PICALM: variants seen among roughly 807,000 people sequenced by gnomAD.
The protein encoded by PICALM is phosphatidylinositol-binding clathrin assembly protein.
A neutral mutation model predicts 80.5 loss-of-function variants in PICALM; 40 were observed. That is an observed-to-expected ratio of 0.50 (90% CI 0.39 to 0.65). The LOEUF is 0.65. Ranked by LOEUF, PICALM falls within the 30% of genes least tolerant of loss-of-function variation. PICALM has a pLI of 0.00. For missense variants in PICALM, 676 were observed against 778.9 expected, an observed-to-expected ratio of 0.87 and a Z score of 1.57; for synonymous variants, 288 against 260.3, an observed-to-expected ratio of 1.11 and a Z score of -1.02.
chr11:86,016,998 TG>T (rs2095490884), intron 4 of PICALM, among the ~76,000 whole-genome samples: 1 of 151,802 alleles, frequency 6.6e-6, no homozygotes, highest in South Asian at 2.1e-4. Flanking sequence ...GAGGGGCGAG[TG>T]GATCACGAGG....
intron 1 of PICALM, among the ~76,000 whole-genome samples, chr11:86,035,897 G>A (rs1375358394): frequency 6.3e-5 from 9 of 142,982 alleles, no homozygotes; most frequent in South Asian, 2.2e-4. Flanking sequence ...GCAGTGAGCC[G>A]AGATCATGCC....
At chr11:85,965,246 G>T (rs1420566816) in intron 19 of PICALM, among the ~76,000 whole-genome samples, 1 of 152,144 alleles carries the variant, frequency 6.6e-6, no homozygotes, top group Non-Finnish European at 1.5e-5. Context: ...GAAGGCCCTT[G>T]CCAAATCCCA....
chr11:85,978,701 CAT>C (rs1470477659), intron 17 of PICALM: 1 of 152,012 alleles, frequency 6.6e-6, no homozygotes, highest in East Asian at 1.9e-4. Flanking sequence ...TACACATTAC[CAT>C]ATATAACACA....
chr11:85,993,409 T>C (rs1592671162), intron 12 of PICALM, among the ~76,000 whole-genome samples: 1 of 152,038 alleles, frequency 6.6e-6, no homozygotes, highest in East Asian at 1.9e-4. Context: ...TATAGTTTTG[T>C]CCCTTTTTTT....
At chr11:86,069,236 C>A (rs914625107), upstream of PICALM, 1 of 180,642 alleles carries the variant, frequency 5.5e-6, no homozygotes, top group African/African-American at 2.4e-5. Context: ...GGGCGGCGCC[C>A]GCGCGTTACG....
At chr11:86,026,447 G>T (rs2095650723) in intron 2 of PICALM, 80 bp from the exon 3 acceptor site, 1 of 781,698 alleles carries the variant, frequency 1.3e-6, no homozygotes, top group African/African-American at 1.7e-5. Flanking sequence ...AAAAGTTATG[G>T]TTAACACATT....
chr11:86,035,209 T>C (rs895908430), intron 1 of PICALM, among the ~76,000 whole-genome samples: 1 of 152,046 alleles, frequency 6.6e-6, no homozygotes, highest in South Asian at 2.1e-4. Flanking sequence ...ATATTCCTAG[T>C]GTAGGCCTTT....
intron 19 of PICALM, among the ~76,000 whole-genome samples, chr11:85,961,847 C>T (rs1233455185): frequency 6.9e-6 from 1 of 144,620 alleles, no homozygotes; most frequent in Non-Finnish European, 1.5e-5. Flanking sequence ...GATTTCATTT[C>T]TTTCTACCTA....
chr11:86,046,867 G>A (rs539048737), intron 1 of PICALM, among the ~76,000 whole-genome samples: 1 of 152,240 alleles, frequency 6.6e-6, no homozygotes, highest in South Asian at 2.1e-4. Flanking sequence ...CAAACTCCTG[G>A]CCTTAAGTGA....
chr11:85,970,180 C>T (rs983352617), intron 19 of PICALM, among the ~76,000 whole-genome samples: 6 of 152,088 alleles, frequency 3.9e-5, no homozygotes, highest in African/African-American at 1.4e-4. Context: ...AAAGAAAGCC[C>T]TTGCTAGACT....
At chr11:86,053,076 C>T (rs2096215979) in intron 1 of PICALM, among the ~76,000 whole-genome samples, 2 of 152,152 alleles carry the variant, frequency 1.3e-5, no homozygotes. Context: ...CATTGTCTGG[C>T]AATACAGCTA....
chr11:86,063,307 T>A (rs1031862472), intron 1 of PICALM, among the ~76,000 whole-genome samples: 1 of 152,158 alleles, frequency 6.6e-6, no homozygotes, highest in African/African-American at 2.4e-5. Flanking sequence ...TCACCTGCCA[T>A]AGTAACTTTA....
intron 3 of PICALM, among the ~76,000 whole-genome samples, chr11:86,024,013 T>C (rs2136558146): frequency 6.6e-6 from 1 of 152,062 alleles, no homozygotes; most frequent in East Asian, 1.9e-4. Context: ...ACATCTGTAA[T>C]CCCAGCTGCT....
At chr11:86,058,662 T>C (rs1438189800) in intron 1 of PICALM, among the ~76,000 whole-genome samples, 2 of 152,240 alleles carry the variant, frequency 1.3e-5, no homozygotes, top group Non-Finnish European at 2.9e-5. Flanking sequence ...CCTTTGCCTA[T>C]TATCTCATAC....
intron 11 of PICALM, among the ~76,000 whole-genome samples, chr11:85,998,130 G>C (rs2095034749): frequency 1.3e-5 from 2 of 149,132 alleles, no homozygotes; most frequent in South Asian, 4.2e-4. Context: ...TTTTTTATTT[G>C]AGACAGAGTC....
At chr11:85,960,321 A>G (rs1015542043) in intron 19 of PICALM, among the ~76,000 whole-genome samples, 4 of 152,180 alleles carry the variant, frequency 2.6e-5, no homozygotes, top group Non-Finnish European at 5.9e-5. Flanking sequence ...AACAAATTAC[A>G]CTGTCTTCCA....
chr11:86,061,040 A>G (rs1304110782), intron 1 of PICALM, among the ~76,000 whole-genome samples: 2 of 152,230 alleles, frequency 1.3e-5, no homozygotes, highest in Non-Finnish European at 2.9e-5. Flanking sequence ...CAAAAGATAC[A>G]TTTGATAGCC....
intron 1 of PICALM, among the ~76,000 whole-genome samples, chr11:86,065,334 TA>T (rs2096431741): frequency 6.6e-6 from 1 of 151,848 alleles, no homozygotes; most frequent in Non-Finnish European, 1.5e-5. Flanking sequence ...TAGTCACAGC[TA>T]CTCAAGAGGC....
chr11:86,023,391 A>T (rs560989195), intron 3 of PICALM: 266 of 938,632 alleles, frequency 2.8e-4, no homozygotes, highest in Admixed American at 3.7e-4. Context: ...AGAAAAAAAA[A>T]TACTGCTCCC....
Sources: gnomAD v4.1 joint callset for allele counts (sites outside exome capture counted in the v4.1 genomes callset) on GRCh38, gnomAD v4.1.1 for gene constraint, MANE v1.5 for transcripts, NCBI Gene and HGNC (gene_info 2026-07-23, HGNC 2026-07-21) for gene names.